Variants in DAB1 observed in about 807,000 individuals in gnomAD.
DAB1 encodes the protein DAB adaptor protein 1, also known as disabled homolog 1.
DAB1 carries 15 observed loss-of-function variants against 64.6 expected under a neutral mutation model. The ratio of observed to expected loss-of-function variants is 0.23; its 90% CI spans 0.16 to 0.36. The LOEUF (loss-of-function observed/expected upper bound fraction) is 0.36. DAB1 is among the 10% of genes least tolerant of loss of function. The probability of loss-of-function intolerance (pLI) is 1.00; values close to 1 mark genes in which losing one functional copy is unlikely to be tolerated. For synonymous variants in DAB1, 235 were observed against 251.9 expected, an observed-to-expected ratio of 0.93 and a Z score of 0.64; for missense variants, 596 against 706.7, an observed-to-expected ratio of 0.84 and a Z score of 1.78.
chr1:58,168,833 C>T (rs1192559161), intron 4 of DAB1, among the ~76,000 whole-genome samples: 1 of 152,160 alleles, frequency 6.6e-6, no homozygotes, highest in Non-Finnish European at 1.5e-5. Flanking sequence ...CTTTATAGGA[C>T]ATGGGTAAAG....
chr1:57,057,979 A>T (rs1250329298), intron 9 of DAB1, among the ~76,000 whole-genome samples: 1 of 152,202 alleles, frequency 6.6e-6, no homozygotes, highest in Non-Finnish European at 1.5e-5. Context: ...CAGAAAAATT[A>T]AAGAGTTTTA....
At chr1:57,025,703 A>G (rs835902) in intron 10 of DAB1, among the ~76,000 whole-genome samples, 5,976 of 152,334 alleles carry the variant, frequency 0.039, 127 homozygotes, top group South Asian at 0.062. Context: ...AGACCACAGC[A>G]GAACAGCAAG....
At chr1:57,892,695 T>C (rs571036990) in intron 5 of DAB1, among the ~76,000 whole-genome samples, 1 of 152,320 alleles carries the variant, frequency 6.6e-6, no homozygotes, top group East Asian at 1.9e-4. Context: ...TTCTAACACG[T>C]ACAATACATT....
intron 2 of DAB1, among the ~76,000 whole-genome samples, chr1:57,274,280 T>C (rs1048883657): frequency 6.6e-6 from 1 of 152,190 alleles, no homozygotes; most frequent in Non-Finnish European, 1.5e-5. Context: ...GCCCGCAAAT[T>C]ATCTTACTGA....
intron 3 of DAB1, among the ~76,000 whole-genome samples, chr1:58,501,690 C>T (rs1645908795): frequency 6.6e-6 from 1 of 152,172 alleles, no homozygotes; most frequent in South Asian, 2.1e-4. Context: ...CCCCATTTTA[C>T]ACTGCTATTC....
intron 3 of DAB1, among the ~76,000 whole-genome samples, chr1:58,456,112 G>A (rs955172947): frequency 6.6e-6 from 1 of 152,222 alleles, no homozygotes; most frequent in African/African-American, 2.4e-5. Flanking sequence ...TCAGTACTAC[G>A]CTCAATACTT....
In DAB1 at chr1:57,252,378, T is replaced by A. The variant is rs568580739; in HGVS notation, c.67+38586A>T. The stretch of plus-strand genomic sequence containing the variant: ...ATGAGGTCAGGGCCCTGAGTCTATT[T>A]GATTCCATTGATAATAACAATAAAC... On this transcript the variant is annotated intron_variant, in intron 2 of 14. Transcript: ENST00000371236. Among the ~76,000 whole-genome samples, 16 of 152,342 alleles carry A rather than the reference T, an allele frequency of 1.1e-4. No homozygotes were observed. In the East Asian group the frequency reaches 3.1e-3, roughly 29 times the overall value.
intron 5 of DAB1, among the ~76,000 whole-genome samples, chr1:58,053,566 A>G (rs901666602): frequency 1.2e-4 from 18 of 152,072 alleles, no homozygotes; most frequent in Admixed American, 6.5e-4. Flanking sequence ...TTAGGCCCCA[A>G]CTCCAACACT....
chr1:57,149,368 G>A (rs559982767), intron 2 of DAB1, among the ~76,000 whole-genome samples: 1 of 152,136 alleles, frequency 6.6e-6, no homozygotes, highest in South Asian at 2.1e-4. Flanking sequence ...CGCATCATAT[G>A]GTAACTCTAT....
intron 6 of DAB1, among the ~76,000 whole-genome samples, chr1:57,778,987 C>T (rs1488422201): frequency 6.6e-6 from 1 of 151,774 alleles, no homozygotes; most frequent in African/African-American, 2.4e-5. Flanking sequence ...TTCTACAGAA[C>T]ATGGAGAATC....
intron 1 of DAB1, among the ~76,000 whole-genome samples, chr1:57,362,683 G>T (rs866413504): frequency 6.6e-6 from 1 of 152,018 alleles, no homozygotes; most frequent in African/African-American, 2.4e-5. Flanking sequence ...AAACTACACA[G>T]CAGGCCTTCA....
rs190980033 is a variant in DAB1 at position 57,222,706 on chromosome 1, G to A, written c.67+68258C>T. Among the ~76,000 whole-genome samples, 23 of 152,256 alleles carry A rather than the reference G, an allele frequency of 1.5e-4. No individual in the cohort carries two copies. The East Asian group carries it at 4.1e-3, about 27-fold the overall frequency. On this transcript the variant is annotated intron_variant, in intron 2 of 14. Coordinates refer to ENST00000371236, the MANE Select transcript of DAB1 (RefSeq NM_001365792.1). The stretch of plus-strand genomic sequence containing the variant: ...TACTGTCTTTCTATAGACTCACATG[G>A]AGAAAACATACATACACGAGACCCA...
At chr1:58,266,084 A>C (rs545713308) in intron 4 of DAB1, among the ~76,000 whole-genome samples, 1 of 152,258 alleles carries the variant, frequency 6.6e-6, no homozygotes, top group Non-Finnish European at 1.5e-5. Context: ...TACAATTCAC[A>C]GGGAGAATTA....
chr1:57,248,353 A>T (rs1669052710), intron 2 of DAB1, among the ~76,000 whole-genome samples: 1 of 152,104 alleles, frequency 6.6e-6, no homozygotes, highest in South Asian at 2.1e-4. Flanking sequence ...TCAACTGTAC[A>T]TTTTTATGAC....
At chr1:57,026,377 G>A (rs1228488356) in intron 9 of DAB1, among the ~76,000 whole-genome samples, 1 of 152,112 alleles carries the variant, frequency 6.6e-6, no homozygotes, top group East Asian at 1.9e-4. Flanking sequence ...GATAAAGGCA[G>A]GGAGGCAATC....
intron 4 of DAB1, among the ~76,000 whole-genome samples, chr1:58,286,900 A>C (rs1444375813): frequency 6.6e-6 from 1 of 152,238 alleles, no homozygotes; most frequent in Non-Finnish European, 1.5e-5. Context: ...TCACAATAGC[A>C]AAGACATGGA....
intron 1 of DAB1, among the ~76,000 whole-genome samples, chr1:57,368,716 C>T (rs1410507006): frequency 6.6e-6 from 1 of 152,174 alleles, no homozygotes; most frequent in Non-Finnish European, 1.5e-5. Flanking sequence ...TCCTCTTCAT[C>T]TTGCTCACCC....
intron 1 of DAB1, among the ~76,000 whole-genome samples, chr1:57,392,838 T>C (rs1415689990): frequency 6.6e-6 from 1 of 152,182 alleles, no homozygotes; most frequent in Non-Finnish European, 1.5e-5. Context: ...GACAGTAGAA[T>C]GTCTGTAAAG....
chr1:58,071,400 GTGT>G (rs1557637250), intron 5 of DAB1: 69 of 156,276 alleles, frequency 4.4e-4, no homozygotes, highest in African/African-American at 1.6e-3. Flanking sequence ...GTGTGTGTGT[GTGT>G]GTGGGTGGGG....
Sources: allele counts gnomAD v4.1 joint callset (sites outside exome capture counted in the v4.1 genomes callset), GRCh38; gene constraint gnomAD v4.1.1; transcripts MANE v1.5; gene names NCBI Gene and HGNC (gene_info 2026-07-23, HGNC 2026-07-21).